Variants in DOCK8 observed in about 807,000 individuals in gnomAD.
DOCK8 encodes the protein dedicator of cytokinesis 8.
In DOCK8, 141 loss-of-function variants were observed where a neutral mutation model predicts 245.6. The observed-to-expected ratio is 0.57, with a 90% confidence interval of 0.50 to 0.66. The LOEUF (loss-of-function observed/expected upper bound fraction) is 0.66, where lower values mean the gene tolerates loss of function less well. DOCK8 is among the 30% of genes least tolerant of loss of function. DOCK8 has a pLI of 0.00. For synonymous variants in DOCK8, 1,168 were observed against 970.2 expected, an observed-to-expected ratio of 1.20 and a Z score of -3.79; for missense variants, 2,965 against 2,603.4, an observed-to-expected ratio of 1.14 and a Z score of -3.02.
intron 24 of DOCK8, among the ~76,000 whole-genome samples, chr9:392,625 A>C (rs1394155141): frequency 6.6e-6 from 1 of 152,178 alleles, no homozygotes; most frequent in Admixed American, 6.5e-5. Context: ...ACAGAGCTAC[A>C]GGTCTTTTGG....
At chr9:227,091 T>C (rs2047006192) in intron 1 of DOCK8, among the ~76,000 whole-genome samples, 1 of 152,198 alleles carries the variant, frequency 6.6e-6, no homozygotes, top group South Asian at 2.1e-4. Flanking sequence ...TGATGACTTT[T>C]GTGTACTTGG....
At chr9:250,763 C>T (rs2047625350) in intron 1 of DOCK8, among the ~76,000 whole-genome samples, 1 of 152,186 alleles carries the variant, frequency 6.6e-6, no homozygotes, top group Non-Finnish European at 1.5e-5. Context: ...AGAAGGTCAA[C>T]ACTGCCTGAT....
intron 4 of DOCK8, 145 bp downstream of exon 4, chr9:289,726 C>T: frequency 1.5e-6 from 1 of 656,522 alleles, no homozygotes; most frequent in African/African-American, 1.8e-5. Context: ...TTCCTTATCC[C>T]CACTCCATAT....
chr9:403,258 G>C (rs1223458501), intron 26 of DOCK8, among the ~76,000 whole-genome samples: 1 of 152,170 alleles, frequency 6.6e-6, no homozygotes, highest in East Asian at 1.9e-4. Flanking sequence ...CTTCTTTTAA[G>C]TGCCAATGTG....
intron 1 of DOCK8, among the ~76,000 whole-genome samples, chr9:241,972 A>G (rs920014364): frequency 6.6e-6 from 1 of 152,190 alleles, no homozygotes; most frequent in Non-Finnish European, 1.5e-5. Flanking sequence ...TTAGGTATCA[A>G]CTGTTTCTCC....
chr9:312,876 G>C (rs369065545), intron 6 of DOCK8: 18 of 179,100 alleles, frequency 1.0e-4, no homozygotes, highest in Admixed American at 3.9e-4. Context: ...TACACTTCTG[G>C]GTCTTGCCAG....
chr9:262,366 AAC>A (rs2047937238), intron 1 of DOCK8, among the ~76,000 whole-genome samples: 1 of 151,666 alleles, frequency 6.6e-6, no homozygotes, highest in Admixed American at 6.6e-5. Flanking sequence ...TAAAGATTTG[AAC>A]ACAAATGTTT....
At chr9:213,675 T>C (rs902082113), upstream of DOCK8, 1 of 151,992 alleles carries the variant, frequency 6.6e-6, no homozygotes, top group Non-Finnish European at 1.5e-5. Flanking sequence ...CACATGTGGC[T>C]AGTGGCTATC....
intron 41 of DOCK8, 105 bp from the exon 42 acceptor site, chr9:441,770 G>T: frequency 7.1e-7 from 1 of 1,408,412 alleles, no homozygotes; most frequent in African/African-American, 1.4e-5. Context: ...TCAGCCATAG[G>T]AGTAAAATGC....
intron 1 of DOCK8, among the ~76,000 whole-genome samples, chr9:243,845 G>A (rs1013347197): frequency 6.6e-6 from 1 of 151,988 alleles, no homozygotes; most frequent in African/African-American, 2.4e-5. Context: ...CATCCTCAAA[G>A]ACAATCCATG....
At chr9:353,426 T>C (rs562830086) in intron 14 of DOCK8, among the ~76,000 whole-genome samples, 14 of 152,350 alleles carry the variant, frequency 9.2e-5, no homozygotes, top group Non-Finnish European at 1.6e-4. Context: ...TATTGATGTA[T>C]TCATTGGCTG....
chr9:384,375 A>G (rs1395961993), intron 22 of DOCK8, among the ~76,000 whole-genome samples: 1 of 152,178 alleles, frequency 6.6e-6, no homozygotes, highest in Admixed American at 6.5e-5. Flanking sequence ...ATTTCCCCTG[A>G]TAAAGAGAAA....
At chr9:320,114 C>T (rs1160296001) in intron 7 of DOCK8, among the ~76,000 whole-genome samples, 1 of 151,892 alleles carries the variant, frequency 6.6e-6, no homozygotes, top group Non-Finnish European at 1.5e-5. Context: ...CGGAAAAAGC[C>T]CAGGTTCTGT....
chr9:440,035 T>A (rs1242042371), intron 40 of DOCK8, among the ~76,000 whole-genome samples: 1 of 151,946 alleles, frequency 6.6e-6, no homozygotes, highest in African/African-American at 2.4e-5. Context: ...TTTTCTTTTT[T>A]TGAGACAGAG....
At chr9:411,593 T>A (rs1297582978) in intron 28 of DOCK8, among the ~76,000 whole-genome samples, 1 of 152,164 alleles carries the variant, frequency 6.6e-6, no homozygotes, top group Non-Finnish European at 1.5e-5. Context: ...CTTCCCCACT[T>A]GTTCTATGAA....
chr9:215,497 C>A, intron 1 of DOCK8: 1 of 1,445,428 alleles, frequency 6.9e-7, no homozygotes, highest in Non-Finnish European at 9.1e-7. Context: ...CTTCTGTCGT[C>A]CTGAGCAAGG....
intron 46 of DOCK8, among the ~76,000 whole-genome samples, chr9:461,053 G>A (rs149222891): frequency 2.2e-3 from 340 of 152,300 alleles, no homozygotes; most frequent in Non-Finnish European, 3.9e-3. Context: ...AAAACAAAAG[G>A]CAAAACTTCA....
chr9:215,509 TCC>T (rs2046729833), intron 1 of DOCK8: 6 of 1,395,870 alleles, frequency 4.3e-6, no homozygotes, highest in Non-Finnish European at 5.6e-6. Flanking sequence ...TGAGCAAGGC[TCC>T]GTCCTCGCCT....
At chr9:330,037 C>T (rs1253175076) in intron 9 of DOCK8, among the ~76,000 whole-genome samples, 1 of 152,128 alleles carries the variant, frequency 6.6e-6, no homozygotes, top group Non-Finnish European at 1.5e-5. Context: ...TCCAGGCAGA[C>T]ATTATTTGGT....
Sources: gnomAD v4.1 joint callset for allele counts (sites outside exome capture counted in the v4.1 genomes callset) on GRCh38, gnomAD v4.1.1 for gene constraint, MANE v1.5 for transcripts, NCBI Gene and HGNC (gene_info 2026-07-23, HGNC 2026-07-21) for gene names.